DEAF1: variants seen among roughly 807,000 people sequenced by gnomAD.
DEAF1 encodes DEAF1 transcription factor.
Under a neutral mutation model 58.9 loss-of-function variants are expected in DEAF1, and 53 were observed. The ratio of observed to expected loss-of-function variants is 0.90; its 90% CI spans 0.72 to 1.13. The LOEUF is 1.13. DEAF1 is among the 50% of genes most tolerant of loss of function. The probability of loss-of-function intolerance (pLI) is 0.00; values close to 1 mark genes in which losing one functional copy is unlikely to be tolerated. For synonymous variants in DEAF1, 385 were observed against 340.4 expected, an observed-to-expected ratio of 1.13 and a Z score of -1.44; for missense variants, 685 against 791.4, an observed-to-expected ratio of 0.87 and a Z score of 1.61.
chr11:700,136 C>T (rs1861376279), upstream of DEAF1: 5 of 1,613,658 alleles, frequency 3.1e-6, no homozygotes, highest in South Asian at 2.2e-5. Flanking sequence ...CTTAACCACT[C>T]ACCAGCTCTC....
intron 10 of DEAF1, among the ~76,000 whole-genome samples, chr11:660,565 T>TG (rs977131563): frequency 4.6e-5 from 7 of 152,334 alleles, no homozygotes; most frequent in East Asian, 3.9e-4. Context: ...TCCACGCTGC[T>TG]GGGGGGTGCT....
chr11:704,254 G>A (rs1861625558), intron 1 of DEAF1: 2 of 762,052 alleles, frequency 2.6e-6, no homozygotes, highest in Non-Finnish European at 3.6e-6. Context: ...GCTGCCGGGC[G>A]CCTTCCGCTC....
At chr11:703,244 A>C in intron 1 of DEAF1, 1 of 1,462,686 alleles carries the variant, frequency 6.8e-7, no homozygotes, top group Non-Finnish European at 9.1e-7. Flanking sequence ...CAGGAAGGGC[A>C]CTTTTCCTAG....
intron 10 of DEAF1, among the ~76,000 whole-genome samples, chr11:672,495 T>C (rs1441061333): frequency 6.6e-6 from 1 of 152,246 alleles, no homozygotes; most frequent in Non-Finnish European, 1.5e-5. Flanking sequence ...TGTGCTTGTC[T>C]AGTAGAATCT....
chr11:688,565 C>G lies in DEAF1; in HGVS notation c.388-105G>C. On this transcript the variant is annotated intron_variant, in intron 2 of 11. Transcript: ENST00000382409. This position sits in a 1 kb window ranked among gnomAD's most constrained non-coding sequence, Gnocchi z 4.3. ...CAGCAGGGCTCTCTGGCTGTTCTCA[C>G]CAAGAAGGGACGCTCACCTAGGCAC... 1 of 1,438,368 alleles carries G rather than the reference C, an allele frequency of 7.0e-7. No individual in the cohort carries two copies. The highest frequency in any genetic ancestry group is 9.7e-7 in the Non-Finnish European group (1 of 1,032,426). The allele number at this position is 1,438,368 out of a possible 1,614,324, so 89.1% of individuals were successfully genotyped here. A position where few individuals can be genotyped will look rare whatever the true frequency, so the allele number is the denominator to read the frequency against.
Position 644,573 on chromosome 11 carries a change from C to T in DEAF1, c.1675G>A (p.Val559Met), listed in dbSNP as rs760200310. ...CCTCACACGGTCACCTTCTCCATCACGCTTTCAGCCACGTGGACTTCGTCT... is the reference window on the plus strand; with the variant it reads ...CCTCACACGGTCACCTTCTCCATCATGCTTTCAGCCACGTGGACTTCGTCT... ...QADEVHVAES[V>M]MEKVTV Residue 559 changes from valine (V) to methionine (M), a missense_variant, in exon 12 of 12, where the codon GTG becomes ATG. Around this residue, in one of 3 missense-constraint regions of DEAF1, gnomAD observed 343 missense variants for 379.8 expected, o/e 0.90. Coordinates refer to ENST00000382409, the MANE Select transcript of DEAF1 (RefSeq NM_021008.4). The surrounding 1 kb of genome is among the most constrained non-coding windows in gnomAD (Gnocchi z 4.3). 8.7e-6 allele frequency: 14 copies of T among 1,612,918 alleles called. No individual in the cohort carries two copies. The highest frequency in any genetic ancestry group is 2.2e-5 in the East Asian group (1 of 44,878).
Position 678,813 on chromosome 11 carries a change from G to A in DEAF1, c.1136C>T (p.Ala379Val). The A allele has an allele frequency of 6.2e-7, 1 of 1,614,078 alleles. No homozygotes were observed. The highest frequency in any genetic ancestry group is 1.7e-5 in the Admixed American group (1 of 60,014). ...DVFAGATVQE[A>V]SVQPPCRASH... ...GGCCCTGCATGGGGGCTGCACGCTG[G>A]CCTCTTGGACTGTTGGGGAGAAAAA... Residue 379 changes from alanine (A) to valine (V), a missense_variant, in exon 9 of 12, where the codon GCC becomes GTC. By Grantham distance (64) the Ala-to-Val change is moderately conservative. This residue lies in a region of DEAF1 where 343 missense variants were observed against 379.8 expected (regional missense o/e 0.90). Coordinates refer to ENST00000382409, the MANE Select transcript of DEAF1 (RefSeq NM_021008.4).
chr11:684,291 G>A (rs1860493258), intron 6 of DEAF1, among the ~76,000 whole-genome samples: 1 of 152,170 alleles, frequency 6.6e-6, no homozygotes, highest in African/African-American at 2.4e-5. Context: ...TGTGGCACAT[G>A]CCTGTAATCC....
chr11:700,739 G>T, intron 1 of DEAF1: 1 of 1,555,836 alleles, frequency 6.4e-7, no homozygotes, highest in Non-Finnish European at 8.9e-7. Flanking sequence ...TGAAGAACCT[G>T]TCCTAAGAGT....
intron 9 of DEAF1, among the ~76,000 whole-genome samples, chr11:676,665 T>C (rs1292931271): frequency 3.3e-5 from 5 of 152,008 alleles, no homozygotes; most frequent in Non-Finnish European, 5.9e-5. Context: ...CCACCAGGCC[T>C]GGCTAATTTT....
intron 6 of DEAF1, 140 bp from the exon 7 acceptor site, chr11:681,229 G>A (rs1860349919): frequency 8.4e-7 from 1 of 1,193,822 alleles, no homozygotes; most frequent in African/African-American, 1.5e-5. Flanking sequence ...CGCCCCTAAA[G>A]ATCCCACCTC....
intron 6 of DEAF1, among the ~76,000 whole-genome samples, chr11:681,305 G>C (rs1207451013): frequency 6.6e-6 from 1 of 152,108 alleles, no homozygotes. Flanking sequence ...CGCCATCTTG[G>C]CTTACTGCAA....
At chr11:695,782 G>T, upstream of DEAF1, 2 of 1,236,954 alleles carry the variant, frequency 1.6e-6, no homozygotes, top group Non-Finnish European at 2.0e-6. Flanking sequence ...CGCGCGGGCC[G>T]AGAGGCTGCC....
chr11:674,873 GGT>G, intron 9 of DEAF1, 90 bp from the exon 10 acceptor site: 1 of 1,560,064 alleles, frequency 6.4e-7, no homozygotes, highest in Non-Finnish European at 8.7e-7. Flanking sequence ...AGCCGGGCGC[GGT>G]GGCTCACGCC....
At chr11:700,473 G>A (rs1861399216) in intron 1 of DEAF1, 1 of 790,242 alleles carries the variant, frequency 1.3e-6, no homozygotes, top group Non-Finnish European at 2.2e-6. Flanking sequence ...GTTCCAGTGA[G>A]CCAAGATTGC....
Position 653,990 on chromosome 11 carries a change from T to C in DEAF1, c.1565A>G (p.Asn522Ser), listed in dbSNP as rs930898406. Residue 522 changes from asparagine (N) to serine (S), a missense_variant, in exon 11 of 12, where the codon AAC becomes AGC. Asn to Ser is a conservative substitution (Grantham distance 46, BLOSUM62 1). This residue lies in a region of DEAF1 where 343 missense variants were observed against 379.8 expected (regional missense o/e 0.90). Coordinates refer to ENST00000382409, the MANE Select transcript of DEAF1 (RefSeq NM_021008.4). ...MSECTGCHKV[N>S]YCSTFCQRKD... ...GCGTTGGCAGAAGGTGGAGCAGTAGTTGACCTTGTGGCAGCCGGTGCACTC... is the reference window on the plus strand; with the variant it reads ...GCGTTGGCAGAAGGTGGAGCAGTAGCTGACCTTGTGGCAGCCGGTGCACTC... 2.5e-6 allele frequency: 4 copies of C among 1,613,928 alleles called. No homozygotes were observed. Among genetic ancestry groups the C allele is most frequent in the South Asian group, 1.1e-5 (1 of 91,076 alleles).
At chr11:700,404 G>A (rs1371236514) in intron 1 of DEAF1, among the ~76,000 whole-genome samples, 1 of 152,012 alleles carries the variant, frequency 6.6e-6, no homozygotes, top group Non-Finnish European at 1.5e-5. Flanking sequence ...GTGGGCGCCT[G>A]TAGTCCCAGC....
intron 4 of DEAF1, among the ~76,000 whole-genome samples, chr11:687,551 G>A (rs940080138): frequency 1.3e-5 from 2 of 152,178 alleles, no homozygotes; most frequent in Non-Finnish European, 2.9e-5. Flanking sequence ...GTGCAGTGGC[G>A]TGATCTCAGC....
At chr11:701,552 A>T (rs1234269760) in intron 1 of DEAF1, among the ~76,000 whole-genome samples, 2 of 151,906 alleles carry the variant, frequency 1.3e-5, no homozygotes, top group Non-Finnish European at 2.9e-5. Flanking sequence ...CTGGGACTAC[A>T]GGTGCCCGCC....
Sources: gnomAD v4.1 joint callset for allele counts (sites outside exome capture counted in the v4.1 genomes callset) on GRCh38, gnomAD v4.1.1 for gene constraint, gnomAD v4.1.1 regional missense constraint, Gnocchi (gnomAD v3.1) non-coding constraint, MANE v1.5 for transcripts, NCBI Gene and HGNC (gene_info 2026-07-23, HGNC 2026-07-21) for gene names.